Variants in NKAIN2 observed in about 807,000 individuals in gnomAD.
The protein encoded by NKAIN2 is sodium/potassium transporting ATPase interacting 2.
NKAIN2 carries 14 observed loss-of-function variants against 32.6 expected under a neutral mutation model. That is an observed-to-expected ratio of 0.43 (90% confidence interval 0.28 to 0.67). The LOEUF (loss-of-function observed/expected upper bound fraction) is 0.67. NKAIN2 is among the 30% of genes least tolerant of loss of function. NKAIN2 has a pLI of 0.17. For synonymous variants in NKAIN2, 80 were observed against 87.2 expected (o/e 0.92, Z 0.46); for missense variants, 198 against 258.3 (o/e 0.77, Z 1.60).
intron 3 of NKAIN2, among the ~76,000 whole-genome samples, chr6:124,576,814 C>T (rs1183771553): frequency 6.6e-6 from 1 of 152,030 alleles, no homozygotes; most frequent in Non-Finnish European, 1.5e-5. Context: ...AAACTGTATA[C>T]AAAAATTAAG....
At chr6:124,675,783 C>T (rs1339825560) in intron 4 of NKAIN2, among the ~76,000 whole-genome samples, 2 of 151,578 alleles carry the variant, frequency 1.3e-5, no homozygotes, top group African/African-American at 4.8e-5. Flanking sequence ...TTTCAAAAAA[C>T]AGTTGTTAGT....
At chr6:124,287,973 T>A (rs1795637512) in intron 2 of NKAIN2, among the ~76,000 whole-genome samples, 1 of 152,020 alleles carries the variant, frequency 6.6e-6, no homozygotes. Flanking sequence ...CTCCCTTTCT[T>A]CCTTCCTTCT....
intron 3 of NKAIN2, among the ~76,000 whole-genome samples, chr6:124,395,516 A>G (rs1324809428): frequency 1.3e-5 from 2 of 152,170 alleles, no homozygotes; most frequent in Non-Finnish European, 2.9e-5. Flanking sequence ...TCCAAAAGAG[A>G]TAAAAGAAAT....
chr6:124,339,021 G>A (rs1797998706), intron 2 of NKAIN2, among the ~76,000 whole-genome samples: 1 of 152,134 alleles, frequency 6.6e-6, no homozygotes, highest in South Asian at 2.1e-4. Flanking sequence ...AAACTTGGTG[G>A]TTTAAAACTG....
chr6:124,510,376 A>G (rs1335899410), intron 3 of NKAIN2, among the ~76,000 whole-genome samples: 1 of 152,164 alleles, frequency 6.6e-6, no homozygotes, highest in Non-Finnish European at 1.5e-5. Context: ...TTTAAACAAA[A>G]CCTTTAATGC....
intron 1 of NKAIN2, among the ~76,000 whole-genome samples, chr6:124,248,071 G>A (rs1217278303): frequency 6.6e-6 from 1 of 152,006 alleles, no homozygotes; most frequent in Non-Finnish European, 1.5e-5. Context: ...GTGAATATGT[G>A]TAGGAGAGAC....
chr6:124,722,072 G>A (rs1776048992), intron 4 of NKAIN2, among the ~76,000 whole-genome samples: 1 of 152,194 alleles, frequency 6.6e-6, no homozygotes, highest in Non-Finnish European at 1.5e-5. Flanking sequence ...GAATCAGACA[G>A]TACTTATCTT....
intron 1 of NKAIN2, among the ~76,000 whole-genome samples, chr6:123,976,371 C>A (rs1006036396): frequency 5.3e-3 from 29 of 5,462 alleles, no homozygotes; most frequent in Admixed American, 0.015. Context: ...ATATATATTC[C>A]CATATATATA....
At chr6:124,391,272 C>A (rs1485015452) in intron 3 of NKAIN2, among the ~76,000 whole-genome samples, 1 of 152,110 alleles carries the variant, frequency 6.6e-6, no homozygotes, top group Non-Finnish European at 1.5e-5. Flanking sequence ...CACAAACTTA[C>A]CTGTCAGCTG....
At chr6:124,517,481 C>T (rs979006767) in intron 3 of NKAIN2, among the ~76,000 whole-genome samples, 3 of 152,086 alleles carry the variant, frequency 2.0e-5, no homozygotes, top group African/African-American at 2.4e-5. Context: ...TAATAATGCC[C>T]TCCACCTCCA....
intron 2 of NKAIN2, among the ~76,000 whole-genome samples, chr6:124,291,388 G>A (rs758110118): frequency 9.9e-5 from 15 of 151,970 alleles, no homozygotes; most frequent in Non-Finnish European, 1.8e-4. Flanking sequence ...AGAAGACTTT[G>A]TTGTGGCTCA....
At chr6:124,572,944 A>G (rs1467535314) in intron 3 of NKAIN2, among the ~76,000 whole-genome samples, 1 of 151,878 alleles carries the variant, frequency 6.6e-6, no homozygotes, top group Non-Finnish European at 1.5e-5. Context: ...AGTTCAAGCA[A>G]TTCTCATGCC....
At chr6:124,018,320 C>T (rs1293515575) in intron 1 of NKAIN2, among the ~76,000 whole-genome samples, 6 of 152,136 alleles carry the variant, frequency 3.9e-5, no homozygotes, top group African/African-American at 1.4e-4. Flanking sequence ...GGAGAGGCTG[C>T]CACAGAAGTC....
chr6:124,581,467 A>G (rs1022296213), intron 3 of NKAIN2, among the ~76,000 whole-genome samples: 6 of 151,182 alleles, frequency 4.0e-5, no homozygotes, highest in African/African-American at 1.2e-4. Context: ...AAAAAAAAAA[A>G]AAAGAAACAT....
At chr6:124,802,983 A>G (rs1780334548) in intron 5 of NKAIN2, among the ~76,000 whole-genome samples, 1 of 152,152 alleles carries the variant, frequency 6.6e-6, no homozygotes, top group African/African-American at 2.4e-5. Context: ...CGATGCCCAG[A>G]TTCAATTTCT....
chr6:124,050,518 G>C (rs570867801), intron 1 of NKAIN2, among the ~76,000 whole-genome samples: 105 of 151,990 alleles, frequency 6.9e-4, no homozygotes, highest in African/African-American at 2.0e-3. Context: ...CCTTCAGCCT[G>C]GCTTGGGGCT....
chr6:124,727,459 G>A (rs1311205326), intron 4 of NKAIN2, among the ~76,000 whole-genome samples: 1 of 149,680 alleles, frequency 6.7e-6, no homozygotes. Flanking sequence ...GCCAAACTAA[G>A]CTTCATAAGT....
At chr6:124,439,457 G>C (rs575428709) in intron 3 of NKAIN2, among the ~76,000 whole-genome samples, 4 of 151,052 alleles carry the variant, frequency 2.6e-5, no homozygotes, top group African/African-American at 9.7e-5. Context: ...TTATTTCTTC[G>C]TACACTAGAC....
At chr6:124,343,648 G>C (rs36191947) in intron 2 of NKAIN2, among the ~76,000 whole-genome samples, 42,470 of 142,082 alleles carry the variant, frequency 0.3, 7,358 homozygotes, top group South Asian at 0.42. Flanking sequence ...AGTGTCTGTT[G>C]ATATCCTTCG....
Sources: gnomAD v4.1 joint callset for allele counts (sites outside exome capture counted in the v4.1 genomes callset) on GRCh38, gnomAD v4.1.1 for gene constraint, MANE v1.5 for transcripts, NCBI Gene and HGNC (gene_info 2026-07-23, HGNC 2026-07-21) for gene names.